The following PDE4D variants were observed in gnomAD, a reference collection of about 807,000 sequenced individuals.
PDE4D encodes the protein phosphodiesterase 4D, also known as 3',5'-cyclic-AMP phosphodiesterase 4D.
A neutral mutation model predicts 87.4 loss-of-function variants in PDE4D; 24 were observed. That is an observed-to-expected ratio of 0.27 (90% CI 0.20 to 0.39). The LOEUF is 0.39. Among genes scored for constraint, PDE4D ranks in the 10% least tolerant of loss-of-function variants. The pLI, the probability that PDE4D is intolerant of heterozygous loss-of-function variation, is 1.00. For synonymous variants in PDE4D, 384 were observed against 383.2 expected (o/e 1.00, Z -0.02); for missense variants, 714 against 1,041.0 (o/e 0.69, Z 4.32).
At chr5:60,408,342 T>C (rs1741751612) in intron 1 of PDE4D, among the ~76,000 whole-genome samples, 1 of 152,254 alleles carries the variant, frequency 6.6e-6, no homozygotes, top group Non-Finnish European at 1.5e-5. Flanking sequence ...GATCTTTCTC[T>C]GTGGAGGCTC....
At chr5:60,261,917 C>A (rs1036637023) in intron 1 of PDE4D, among the ~76,000 whole-genome samples, 1 of 152,052 alleles carries the variant, frequency 6.6e-6, no homozygotes, top group African/African-American at 2.4e-5. Context: ...GAAGTGAAAT[C>A]CCCCTGTGAC....
intron 1 of PDE4D, among the ~76,000 whole-genome samples, chr5:59,565,113 G>C (rs2153693163): frequency 6.6e-6 from 1 of 152,284 alleles, no homozygotes; most frequent in Middle Eastern, 3.4e-3. Flanking sequence ...TCCTAAAGAG[G>C]CTGGAAGAAT....
intron 1 of PDE4D, among the ~76,000 whole-genome samples, chr5:59,615,630 A>G (rs1421012761): frequency 6.6e-6 from 1 of 152,182 alleles, no homozygotes; most frequent in African/African-American, 2.4e-5. Context: ...ACCAGTCTTT[A>G]TGTCTTCTTC....
At chr5:60,215,770 T>C (rs1291539839) in intron 1 of PDE4D, among the ~76,000 whole-genome samples, 1 of 152,134 alleles carries the variant, frequency 6.6e-6, no homozygotes, top group Non-Finnish European at 1.5e-5. Context: ...ATCTATATCT[T>C]AACCAGCCGT....
At chr5:59,476,720 T>C (rs1169887952) in intron 1 of PDE4D, among the ~76,000 whole-genome samples, 1 of 152,060 alleles carries the variant, frequency 6.6e-6, no homozygotes. Flanking sequence ...TTTGGAAAAC[T>C]GCATTGCATG....
intron 1 of PDE4D, among the ~76,000 whole-genome samples, chr5:59,864,196 G>A (rs780623364): frequency 7.9e-5 from 12 of 152,170 alleles, no homozygotes; most frequent in Non-Finnish European, 1.8e-4. Context: ...AACCCTTGGA[G>A]TCCAGGGGAT....
At chr5:59,776,288 T>A (rs1764070627) in intron 1 of PDE4D, among the ~76,000 whole-genome samples, 1 of 152,174 alleles carries the variant, frequency 6.6e-6, no homozygotes. Context: ...TATGAAGTCA[T>A]ATAACTTAAC....
chr5:60,013,779 T>C (rs1037764617), intron 2 of PDE4D, among the ~76,000 whole-genome samples: 1 of 152,154 alleles, frequency 6.6e-6, no homozygotes, highest in African/African-American at 2.4e-5. Context: ...AGAAAAATTA[T>C]GCAAGCAAAT....
chr5:60,336,485 TG>T (rs1757761525), intron 1 of PDE4D, among the ~76,000 whole-genome samples: 1 of 152,220 alleles, frequency 6.6e-6, no homozygotes, highest in African/African-American at 2.4e-5. Context: ...TATTTCAGGG[TG>T]CCCGTGCTTC....
At chr5:59,355,222 C>A (rs1781185301) in intron 1 of PDE4D, among the ~76,000 whole-genome samples, 1 of 152,140 alleles carries the variant, frequency 6.6e-6, no homozygotes, top group East Asian at 1.9e-4. Context: ...TGTTACAATA[C>A]CATAACACCT....
In PDE4D at chr5:58,975,898, C is replaced by CAA. The variant is rs58999471; in HGVS notation, c.1831-61_1831-60dup. On this transcript the variant is annotated intron_variant, in intron 13 of 14. Transcript: ENST00000340635. The surrounding 1 kb of genome is among the most constrained non-coding windows in gnomAD (Gnocchi z 4.2). ...TGTTCCTTTTTTTTAAAAAAAAAAACAAAAAAAACTAGAAATTCACATTGG... is the reference window on the plus strand; with the variant it reads ...TGTTCCTTTTTTTTAAAAAAAAAAACAAAAAAAAAACTAGAAATTCACATTGG... 0.21 allele frequency: 182,556 copies of CAA among 873,558 alleles called. 14,649 individuals are homozygous for CAA. The highest frequency in any genetic ancestry group is 0.22 in the Non-Finnish European group (136,524 of 622,222). 54.1% of individuals were successfully genotyped at this position (873,558 alleles called of 1,614,324 possible).
intron 1 of PDE4D, among the ~76,000 whole-genome samples, chr5:59,572,227 A>G (rs2153696071): frequency 6.6e-6 from 1 of 152,336 alleles, no homozygotes. Context: ...TGTTGCCATT[A>G]CAGATGGCAT....
chr5:60,103,078 C>T (rs1041441174), intron 2 of PDE4D, among the ~76,000 whole-genome samples: 3 of 152,032 alleles, frequency 2.0e-5, no homozygotes, highest in African/African-American at 7.2e-5. Flanking sequence ...AAACTTTGCA[C>T]TATGAGTCCT....
intron 5 of PDE4D, among the ~76,000 whole-genome samples, chr5:59,082,121 C>T (rs1014978011): frequency 6.6e-6 from 1 of 152,100 alleles, no homozygotes; most frequent in African/African-American, 2.4e-5. Context: ...ATTACCCAGT[C>T]TAGGGTATTT....
At chr5:59,513,261 C>A (rs897673620) in intron 1 of PDE4D, among the ~76,000 whole-genome samples, 3 of 151,968 alleles carry the variant, frequency 2.0e-5, no homozygotes, top group African/African-American at 7.3e-5. Context: ...CAGGAATATG[C>A]CCAAAAGAAT....
chr5:59,742,984 C>T (rs142199339), intron 1 of PDE4D, among the ~76,000 whole-genome samples: 319 of 152,256 alleles, frequency 2.1e-3, no homozygotes, highest in African/African-American at 7.2e-3. Context: ...AAATCTAACA[C>T]GATACTATTG....
intron 1 of PDE4D, among the ~76,000 whole-genome samples, chr5:59,387,913 A>T (rs1427302296): frequency 6.6e-6 from 1 of 152,026 alleles, no homozygotes; most frequent in Non-Finnish European, 1.5e-5. Context: ...TTTAACTGAA[A>T]TTTTGTGTCC....
chr5:59,748,142 G>A (rs536602957), intron 1 of PDE4D, among the ~76,000 whole-genome samples: 3 of 152,282 alleles, frequency 2.0e-5, no homozygotes, highest in African/African-American at 4.8e-5. Context: ...CTCTCACACT[G>A]TACCAGGGTT....
chr5:60,139,089 C>G (rs568992745), intron 2 of PDE4D, among the ~76,000 whole-genome samples: 7 of 151,466 alleles, frequency 4.6e-5, no homozygotes, highest in African/African-American at 1.7e-4. Context: ...TTCTAAGATC[C>G]CTGAAGGTAG....
Sources: allele counts gnomAD v4.1 joint callset (sites outside exome capture counted in the v4.1 genomes callset), GRCh38; gene constraint gnomAD v4.1.1; non-coding constraint Gnocchi (gnomAD v3.1); transcripts MANE v1.5; gene names NCBI Gene and HGNC (gene_info 2026-07-23, HGNC 2026-07-21).